RERE: variants seen among roughly 807,000 people sequenced by gnomAD.
RERE encodes arginine-glutamic acid dipeptide repeats, also known as arginine-glutamic acid dipeptide repeats protein.
RERE carries 40 observed loss-of-function variants against 146.1 expected under a neutral mutation model. That is an observed-to-expected ratio of 0.27 (90% CI 0.21 to 0.36). The LOEUF (loss-of-function observed/expected upper bound fraction) is 0.36, where lower values mean the gene tolerates loss of function less well. Ranked by LOEUF, RERE falls within the 10% of genes least tolerant of loss-of-function variation. RERE has a pLI of 1.00. For missense variants in RERE, 1,933 were observed against 2,138.7 expected (o/e 0.90, Z 1.90); for synonymous variants, 1,003 against 866.0 (o/e 1.16, Z -2.78).
intron 12 of RERE, among the ~76,000 whole-genome samples, chr1:8,401,035 A>ACATATATATATATATATATATATATAT (rs1557611589): frequency 6.1e-5 from 2 of 32,784 alleles, no homozygotes; most frequent in African/African-American, 2.0e-4. Flanking sequence ...AAAAAAAAAA[A>ACATATATATATATATATATATATATAT]ACCATATATA....
intron 8 of RERE, among the ~76,000 whole-genome samples, chr1:8,500,531 G>C (rs1645118923): frequency 6.6e-6 from 1 of 152,228 alleles, no homozygotes; most frequent in South Asian, 2.1e-4. Flanking sequence ...GCCCAGGCTG[G>C]AGTGCAGTGG....
At chr1:8,686,020 C>T (rs1639078325) in intron 1 of RERE, among the ~76,000 whole-genome samples, 1 of 150,906 alleles carries the variant, frequency 6.6e-6, no homozygotes, top group Admixed American at 6.6e-5. Flanking sequence ...TCACATCCAT[C>T]ACCCAGGCTG....
intron 1 of RERE, among the ~76,000 whole-genome samples, chr1:8,706,475 C>CT (rs981754614): frequency 2.0e-4 from 30 of 152,296 alleles, no homozygotes; most frequent in Non-Finnish European, 4.4e-4. Flanking sequence ...AAGCCAAGTT[C>CT]TTCCTATTAC....
At chr1:8,541,166 A>G (rs756571687) in intron 7 of RERE, 48 bp downstream of exon 7, 1 of 1,034,534 alleles carries the variant, frequency 9.7e-7, no homozygotes, top group East Asian at 2.4e-5. Context: ...CACACAAATG[A>G]GAAAAGGAAA....
At chr1:8,439,617 G>A (rs1308414700) in intron 11 of RERE, among the ~76,000 whole-genome samples, 1 of 152,240 alleles carries the variant, frequency 6.6e-6, no homozygotes, top group Non-Finnish European at 1.5e-5. Flanking sequence ...CAGATGGAAA[G>A]GAGGAGCAAG....
At chr1:8,512,322 C>T (rs868815961) in intron 7 of RERE, among the ~76,000 whole-genome samples, 2 of 151,942 alleles carry the variant, frequency 1.3e-5, no homozygotes, top group South Asian at 2.1e-4. Flanking sequence ...CGTGAGCCAC[C>T]GCGCCCGGCC....
At chr1:8,702,975 G>A (rs1020457427) in intron 1 of RERE, 15 of 151,796 alleles carry the variant, frequency 9.9e-5, no homozygotes, top group African/African-American at 3.6e-4. Context: ...CACCCACCCC[G>A]AGCCCCCCGC....
At chr1:8,439,157 G>C (rs1417169880) in intron 11 of RERE, among the ~76,000 whole-genome samples, 1 of 152,212 alleles carries the variant, frequency 6.6e-6, no homozygotes, top group African/African-American at 2.4e-5. Flanking sequence ...TGAAACAACA[G>C]ACTTCTCTCT....
At chr1:8,682,569 T>A (rs969709159) in intron 1 of RERE, among the ~76,000 whole-genome samples, 1 of 152,228 alleles carries the variant, frequency 6.6e-6, no homozygotes, top group African/African-American at 2.4e-5. Context: ...TATTTCTTGA[T>A]TTCTTTGACA....
chr1:8,380,524 T>G (rs1045424448), intron 12 of RERE, among the ~76,000 whole-genome samples: 5 of 152,132 alleles, frequency 3.3e-5, no homozygotes, highest in Non-Finnish European at 7.3e-5. Flanking sequence ...AATTTTTGTA[T>G]TTTTAGTAGG....
At chr1:8,737,787 C>T (rs889635972) in intron 1 of RERE, among the ~76,000 whole-genome samples, 9 of 152,092 alleles carry the variant, frequency 5.9e-5, no homozygotes, top group African/African-American at 1.7e-4. Flanking sequence ...TGGCACAGCA[C>T]GCAGTACATT....
At chr1:8,372,339 C>T (rs773278622) in intron 12 of RERE, among the ~76,000 whole-genome samples, 10 of 152,058 alleles carry the variant, frequency 6.6e-5, no homozygotes, top group East Asian at 1.9e-4. Flanking sequence ...TAAGGGTACA[C>T]CCAAGATTGA....
intron 4 of RERE, among the ~76,000 whole-genome samples, chr1:8,579,806 C>A (rs1204123827): frequency 6.6e-6 from 1 of 152,214 alleles, no homozygotes; most frequent in Admixed American, 6.5e-5. Flanking sequence ...GAGTTCGAGA[C>A]CGGCCTGGCC....
intron 4 of RERE, among the ~76,000 whole-genome samples, chr1:8,612,685 A>T (rs1317103540): frequency 6.6e-6 from 1 of 152,228 alleles, no homozygotes; most frequent in Non-Finnish European, 1.5e-5. Context: ...TAATAATAGC[A>T]TCCACATTGA....
intron 9 of RERE, among the ~76,000 whole-genome samples, chr1:8,496,045 C>T (rs1307986815): frequency 6.6e-6 from 1 of 151,244 alleles, no homozygotes; most frequent in Non-Finnish European, 1.5e-5. Flanking sequence ...TGCCTGTAGT[C>T]CTAGCTACTG....
intron 4 of RERE, among the ~76,000 whole-genome samples, chr1:8,568,402 T>C (rs185857141): frequency 1.3e-5 from 2 of 152,326 alleles, no homozygotes; most frequent in African/African-American, 4.8e-5. Context: ...GTCTAAATGT[T>C]TGTCACCCTC....
chr1:8,463,690 G>C (rs1041446993), intron 11 of RERE, among the ~76,000 whole-genome samples: 1 of 152,232 alleles, frequency 6.6e-6, no homozygotes. Context: ...TGGGAGGCAT[G>C]AGTGAGGAGT....
At chr1:8,454,884 T>G (rs949913875) in intron 11 of RERE, among the ~76,000 whole-genome samples, 1 of 151,966 alleles carries the variant, frequency 6.6e-6, no homozygotes, top group Non-Finnish European at 1.5e-5. Context: ...AGATCATACT[T>G]TCTTGAGGCC....
chr1:8,617,343 C>CAAAAAAAA lies in RERE; in HGVS notation c.397-2665_397-2658dup, dbSNP rs58933208. ...GGGTGACAAGAGTGAAACTCTGTCTCAAAAAAAAAAAAAAGAATTCCATCC... is the reference window on the plus strand; with the variant it reads ...GGGTGACAAGAGTGAAACTCTGTCTCAAAAAAAAAAAAAAAAAAAAAAGAATTCCATCC... On this transcript the variant is annotated intron_variant, in intron 3 of 22. Coordinates refer to ENST00000400908, the MANE Select transcript of RERE (RefSeq NM_001042681.2). 3.5e-3 allele frequency among the ~76,000 whole-genome samples: 282 copies of CAAAAAAAA among 80,390 alleles called. 5 individuals are homozygous for CAAAAAAAA. Among genetic ancestry groups the CAAAAAAAA allele is most frequent in the Non-Finnish European group, 5.3e-3 (225 of 42,694 alleles). The allele number at this position is 80,390 out of a possible 152,430, so 52.7% of individuals were successfully genotyped here. A position where few individuals can be genotyped will look rare whatever the true frequency, so the allele number is the denominator to read the frequency against.
Sources: gnomAD v4.1 joint callset for allele counts (sites outside exome capture counted in the v4.1 genomes callset) on GRCh38, gnomAD v4.1.1 for gene constraint, MANE v1.5 for transcripts, NCBI Gene and HGNC (gene_info 2026-07-23, HGNC 2026-07-21) for gene names.